NEK10: variants seen among roughly 807,000 people sequenced by gnomAD.
NEK10 encodes serine/threonine-protein kinase Nek10.
A neutral mutation model predicts 159.8 loss-of-function variants in NEK10; 122 were observed. That is an observed-to-expected ratio of 0.76 (90% confidence interval 0.66 to 0.89). The LOEUF (loss-of-function observed/expected upper bound fraction) is 0.89. Among genes scored for constraint, NEK10 ranks in the 40% least tolerant of loss-of-function variants. The pLI is 0.00. For missense variants in NEK10, 1,342 were observed against 1,323.1 expected (o/e 1.01, Z -0.22); for synonymous variants, 466 against 457.1 (o/e 1.02, Z -0.25).
At chr3:27,130,707 A>C (rs1942518369) in intron 32 of NEK10, among the ~76,000 whole-genome samples, 1 of 152,212 alleles carries the variant, frequency 6.6e-6, no homozygotes, top group African/African-American at 2.4e-5. Context: ...AGAATAAAAA[A>C]CCAAGCAACA....
At chr3:27,197,787 ACTTT>A (rs1350266793) in intron 25 of NEK10, among the ~76,000 whole-genome samples, 2 of 132,144 alleles carry the variant, frequency 1.5e-5, no homozygotes, top group Admixed American at 7.1e-5. Context: ...TCTGACCAGT[ACTTT>A]CTTTCTTTTT....
chr3:27,226,592 C>T (rs1180124409), intron 23 of NEK10, among the ~76,000 whole-genome samples: 1 of 152,140 alleles, frequency 6.6e-6, no homozygotes, highest in African/African-American at 2.4e-5. Flanking sequence ...CCTCAGTTGA[C>T]TCCAAAGAGT....
chr3:27,290,790 A>T (rs1456651415), intron 18 of NEK10, 36 bp from the exon 19 acceptor site: 2 of 1,540,406 alleles, frequency 1.3e-6, no homozygotes, highest in African/African-American at 2.8e-5. Context: ...AACAAAAGGA[A>T]CAGGGTAAAG....
intron 30 of NEK10, among the ~76,000 whole-genome samples, chr3:27,150,775 G>A (rs1575516901): frequency 6.6e-6 from 1 of 152,128 alleles, no homozygotes; most frequent in African/African-American, 2.4e-5. Context: ...TAAGGCTATA[G>A]CTGCAATAGA....
intron 29 of NEK10, among the ~76,000 whole-genome samples, chr3:27,168,580 T>C (rs1050212591): frequency 1.3e-5 from 2 of 152,222 alleles, no homozygotes; most frequent in African/African-American, 2.4e-5. Context: ...CTCCTCTTAT[T>C]TGGCATAAAT....
chr3:27,344,531 A>C (rs977408403), intron 4 of NEK10, among the ~76,000 whole-genome samples, 161 bp from the exon 5 acceptor site: 2 of 152,350 alleles, frequency 1.3e-5, no homozygotes, highest in Non-Finnish European at 2.9e-5. Context: ...CTTGCGTTTA[A>C]CATGTTGCTA....
intron 4 of NEK10, among the ~76,000 whole-genome samples, 179 bp from the exon 5 acceptor site, chr3:27,344,549 C>A (rs2149785626): frequency 6.6e-6 from 1 of 152,260 alleles, no homozygotes; most frequent in Non-Finnish European, 1.5e-5. Flanking sequence ...CTAAAAGCAA[C>A]TATCAGCTGT....
At chr3:27,210,594 G>A (rs1048175910) in intron 23 of NEK10, among the ~76,000 whole-genome samples, 1 of 152,074 alleles carries the variant, frequency 6.6e-6, no homozygotes, top group East Asian at 1.9e-4. Context: ...CACAATCCAA[G>A]CCCCTATTCC....
At chr3:27,212,524 A>G (rs1951096983) in intron 23 of NEK10, among the ~76,000 whole-genome samples, 1 of 152,212 alleles carries the variant, frequency 6.6e-6, no homozygotes, top group South Asian at 2.1e-4. Context: ...CCCTATTCCC[A>G]TTTGCTGAGC....
intron 22 of NEK10, chr3:27,278,940 G>T (rs1396036068): frequency 9.1e-6 from 9 of 984,074 alleles, no homozygotes; most frequent in Non-Finnish European, 1.1e-5. Context: ...TCCTTGGATG[G>T]TTTCAAAGGC....
At chr3:27,218,462 G>A (rs572648546) in intron 23 of NEK10, among the ~76,000 whole-genome samples, 5 of 152,044 alleles carry the variant, frequency 3.3e-5, no homozygotes, top group South Asian at 4.2e-4. Context: ...AAAATTAGCC[G>A]GGCTTGGTGG....
chr3:27,325,753 A>G (rs921545011), intron 5 of NEK10, among the ~76,000 whole-genome samples: 1 of 152,176 alleles, frequency 6.6e-6, no homozygotes, highest in South Asian at 2.1e-4. Context: ...AGTGCTCATT[A>G]TAGATTACAG....
intron 30 of NEK10, among the ~76,000 whole-genome samples, chr3:27,157,231 T>C (rs1945564172): frequency 6.6e-6 from 1 of 151,672 alleles, no homozygotes; most frequent in African/African-American, 2.4e-5. Flanking sequence ...TGGTGCAGTG[T>C]ATACTGCTCA....
chr3:27,226,177 G>A (rs1052301407), intron 23 of NEK10, among the ~76,000 whole-genome samples: 8 of 149,704 alleles, frequency 5.3e-5, no homozygotes, highest in East Asian at 3.9e-4. Context: ...GACTACAGGC[G>A]CCCGCCACTA....
chr3:27,269,765 G>T, intron 22 of NEK10, among the ~76,000 whole-genome samples: 1 of 151,988 alleles, frequency 6.6e-6, no homozygotes, highest in East Asian at 1.9e-4. Context: ...TTCTTTATTG[G>T]GTTATCTTTA....
At position 27,174,839 on chromosome 3, in the gene NEK10, AAG is replaced by A; in HGVS notation, c.2506-8_2506-7del. 1 of 1,565,338 alleles carries A rather than the reference AAG, an allele frequency of 6.4e-7. No homozygotes were observed. Among genetic ancestry groups the A allele is most frequent in the East Asian group, 2.3e-5 (1 of 44,358 alleles). On this transcript the variant is annotated splice_polypyrimidine_tract_variant and splice_region_variant and intron_variant, in intron 26 of 35. Transcript: ENST00000691995. ...CTTGCCTTCTCAAAGGTCTCCTGGA[AAG>A]AGAAATTCAGTTTTTCATAGCCTCT...
intron 31 of NEK10, among the ~76,000 whole-genome samples, chr3:27,135,104 T>C (rs919590264): frequency 3.3e-5 from 5 of 152,102 alleles, no homozygotes; most frequent in Admixed American, 6.5e-5. Context: ...AGCATTACTG[T>C]AGGATAGCAC....
chr3:27,141,686 C>A, intron 30 of NEK10, 104 bp from the exon 31 acceptor site: 1 of 769,344 alleles, frequency 1.3e-6, no homozygotes, highest in Non-Finnish European at 2.2e-6. Flanking sequence ...AAAGACTTCA[C>A]CTTATCAATG....
At chr3:27,131,157 G>A (rs1942577637) in intron 32 of NEK10, among the ~76,000 whole-genome samples, 1 of 152,156 alleles carries the variant, frequency 6.6e-6, no homozygotes, top group South Asian at 2.1e-4. Context: ...AAAATATGAT[G>A]AAACTTTTTA....
Sources: gnomAD v4.1 joint callset for allele counts (sites outside exome capture counted in the v4.1 genomes callset) on GRCh38, gnomAD v4.1.1 for gene constraint, MANE v1.5 for transcripts, NCBI Gene and HGNC (gene_info 2026-07-23, HGNC 2026-07-21) for gene names.